The following ADGRF1 variants were observed in gnomAD, a reference collection of about 807,000 sequenced individuals.
The protein encoded by ADGRF1 is adhesion G protein-coupled receptor F1, also known as G protein-coupled receptor 110.
ADGRF1 carries 85 observed loss-of-function variants against 87.2 expected under a neutral mutation model. That is an observed-to-expected ratio of 0.97 (90% CI 0.82 to 1.17). The LOEUF is 1.17. Ranked by LOEUF, ADGRF1 falls within the 50% of genes most tolerant of loss-of-function variation. ADGRF1 has a pLI of 0.00. For synonymous variants in ADGRF1, 430 were observed against 408.8 expected (o/e 1.05, Z -0.63); for missense variants, 1,169 against 1,077.2 (o/e 1.09, Z -1.19).
At chr6:47,011,132 A>T (rs1226477) in intron 10 of ADGRF1, among the ~76,000 whole-genome samples, 17,053 of 151,762 alleles carry the variant, frequency 0.11, 2,320 homozygotes, top group African/African-American at 0.32. Context: ...CTTTGTTTTC[A>T]CTCTTCATTT....
At chr6:47,013,287 A>G (rs1779763658) in intron 9 of ADGRF1, 2 of 985,464 alleles carry the variant, frequency 2.0e-6, no homozygotes, top group Non-Finnish European at 2.4e-6. Context: ...AACTAGTCTC[A>G]ACTATTGCTC....
chr6:47,026,338 G>T (rs1437771230), intron 3 of ADGRF1, among the ~76,000 whole-genome samples: 15 of 152,060 alleles, frequency 9.9e-5, no homozygotes, highest in Admixed American at 8.5e-4. Context: ...GACTGAAGGG[G>T]GAAGAGGTGA....
rs1017101904 is a variant in ADGRF1 at position 47,030,865 on chromosome 6, C to T, written c.-43-1761G>A. ...GCAACCTTCACCTTCCGGGTTCAAG[C>T]GATTCTCCTGCCTCAGCCTCATGAG... On this transcript the variant is annotated intron_variant, in intron 1 of 14. Coordinates refer to ENST00000371253, the MANE Select transcript of ADGRF1 (RefSeq NM_153840.4). Among the ~76,000 whole-genome samples the T allele has an allele frequency of 6.6e-5, 10 of 151,844 alleles. No homozygotes were observed. The South Asian group carries it at 1.0e-3, about 16-fold the overall frequency.
Position 47,027,690 on chromosome 6 carries a change from T to C in ADGRF1, c.127+14A>G. On this transcript the variant is annotated intron_variant, in intron 3 of 14. Transcript: ENST00000371253. ...CCAAAATCCACTGCACCATGCTGTCTAACAGAGCCTCACCTAGATGTTTTT... is the reference window on the plus strand; with the variant it reads ...CCAAAATCCACTGCACCATGCTGTCCAACAGAGCCTCACCTAGATGTTTTT... 7 of 1,593,764 alleles carry C rather than the reference T, an allele frequency of 4.4e-6. No homozygotes were observed. The highest frequency in any genetic ancestry group is 6.0e-6 in the Non-Finnish European group (7 of 1,162,104).
chr6:47,025,603 G>A (rs1166563216), intron 4 of ADGRF1, among the ~76,000 whole-genome samples: 1 of 152,124 alleles, frequency 6.6e-6, no homozygotes, highest in African/African-American at 2.4e-5. Flanking sequence ...ACCCTCCAGT[G>A]TTTCATCTAT....
chr6:47,022,125 A>C (rs982318275), intron 5 of ADGRF1, 67 bp from the exon 6 acceptor site: 5 of 876,844 alleles, frequency 5.7e-6, no homozygotes, highest in African/African-American at 1.8e-5. Context: ...GTAGCATACA[A>C]TTATAGAAGT....
chr6:47,017,629 C>T (rs1166663899), intron 7 of ADGRF1: 1 of 150,510 alleles, frequency 6.6e-6, no homozygotes, highest in East Asian at 1.9e-4. Flanking sequence ...AGGAAGGAAC[C>T]ACTGATAGAA....
In ADGRF1 at chr6:47,010,467, G is replaced by A. The variant is rs1008664106; in HGVS notation, c.1117-149C>T. ...CATTAAAACTCATCAATCAAATTTA[G>A]CTCAGTTCATCTGTACAGTAGAAGC... On this transcript the variant is annotated intron_variant, in intron 10 of 14. Transcript: ENST00000371253. 82 of 730,782 alleles carry A rather than the reference G, an allele frequency of 1.1e-4. 1 individual carries two copies. Among genetic ancestry groups the A allele is most frequent in the South Asian group, 3.1e-4 (16 of 51,162 alleles). 45.3% of individuals were successfully genotyped at this position (730,782 alleles called of 1,614,324 possible). A position where few individuals can be genotyped will look rare whatever the true frequency, so the allele number is the denominator to read the frequency against.
intron 10 of ADGRF1, 41 bp downstream of exon 10, chr6:47,011,966 A>T: frequency 6.4e-7 from 1 of 1,561,124 alleles, no homozygotes; most frequent in South Asian, 1.1e-5. Context: ...CTACAGGATC[A>T]AGCATTTAAA....
Position 47,016,634 on chromosome 6 carries a change from A to G in ADGRF1, c.746T>C (p.Phe249Ser). Residue 249 changes from phenylalanine to serine, a missense_variant, in exon 8 of 15, where the codon TTC becomes TCC. Physicochemically the swap from Phe to Ser is radical, Grantham distance 155. Coordinates refer to ENST00000371253, the MANE Select transcript of ADGRF1 (RefSeq NM_153840.4). ...HKLFPLEDGS[F>S]RVFGKAQCND... ...AGCATTACCTTTTCCGAACACTCTG[A>G]AAGAGCCGTCTTCTAATGGAAACAG... 6.2e-7 allele frequency: 1 copy of G among 1,609,218 alleles called. No individual in the cohort carries two copies. The highest frequency in any genetic ancestry group is 8.5e-7 in the Non-Finnish European group (1 of 1,176,552).
chr6:47,027,541 C>A (rs1780275874), intron 3 of ADGRF1, among the ~76,000 whole-genome samples, 163 bp downstream of exon 3: 1 of 152,196 alleles, frequency 6.6e-6, no homozygotes, highest in Non-Finnish European at 1.5e-5. Flanking sequence ...TTAATCTTCA[C>A]AAACGTCTTG....
intron 14 of ADGRF1, 60 bp downstream of exon 14, chr6:47,001,441 A>G: frequency 1.5e-6 from 2 of 1,336,082 alleles, no homozygotes; most frequent in Non-Finnish European, 2.1e-6. Flanking sequence ...TTTTATTCAT[A>G]TGATATACTC....
intron 7 of ADGRF1, 47 bp from the exon 8 acceptor site, chr6:47,016,815 T>C: frequency 2.6e-6 from 4 of 1,538,076 alleles, no homozygotes; most frequent in Non-Finnish European, 3.5e-6. Flanking sequence ...TACTTATTTA[T>C]TCATTCACTC....
chr6:47,028,097 C>T (rs74790308), intron 2 of ADGRF1, among the ~76,000 whole-genome samples: 2,200 of 152,138 alleles, frequency 0.014, 45 homozygotes, highest in African/African-American at 0.05. Context: ...TTTCCTTGAG[C>T]GAGATGAGAA....
intron 1 of ADGRF1, among the ~76,000 whole-genome samples, chr6:47,035,992 A>G (rs532485278): frequency 6.6e-6 from 1 of 152,212 alleles, no homozygotes; most frequent in South Asian, 2.1e-4. Context: ...GCAATTTGGG[A>G]AGCGGAGGCT....
intron 9 of ADGRF1, chr6:47,013,377 G>A (rs1311098696): frequency 4.1e-6 from 4 of 985,054 alleles, no homozygotes; most frequent in East Asian, 1.1e-4. Context: ...TACAGATGAG[G>A]AAACTGAGAT....
intron 2 of ADGRF1, among the ~76,000 whole-genome samples, chr6:47,027,998 T>C (rs1240203483): frequency 1.3e-5 from 2 of 150,848 alleles, no homozygotes; most frequent in Admixed American, 6.6e-5. Flanking sequence ...GAGAGGAGAG[T>C]GAGAGGAGAG....
rs140960279 is a variant in ADGRF1, at chr6:47,009,395, G to T, written c.2040C>A (p.Ile680=). 1.9e-6 allele frequency: 3 copies of T among 1,614,086 alleles called. No homozygotes were observed. Among genetic ancestry groups the T allele is most frequent in the Non-Finnish European group, 2.5e-6 (3 of 1,179,980 alleles). Reference sequence around the variant, plus strand: ...CGAGGATGATCCGGTAAGCCAGCAGGATGCCAAGCATGAGCATCCAGAAGA... The same window carrying T: ...CGAGGATGATCCGGTAAGCCAGCAGTATGCCAAGCATGAGCATCCAGAAGA... ...SLFFWMLMLG[I]LLAYRIILVF... The change falls in exon 11 of 15, where the codon ATC becomes ATA. Residue 680 remains isoleucine, a synonymous_variant. Coordinates refer to ENST00000371253, the MANE Select transcript of ADGRF1 (RefSeq NM_153840.4).
In ADGRF1 at chr6:47,001,913, A is replaced by G. The variant is rs748343907; in HGVS notation, c.2593-346T>C. The G allele has an allele frequency of 2.6e-4, 57 of 217,430 alleles. 1 individual carries two copies. The highest frequency in any genetic ancestry group is 9.2e-5 in the Non-Finnish European group (10 of 108,138). 13.5% of individuals were successfully genotyped at this position (217,430 alleles called of 1,614,324 possible). On this transcript the variant is annotated intron_variant, in intron 13 of 14. Transcript: ENST00000371253. ...ACTGGAAGAGAAACCCATGGAGGAA[A>G]ATGGAGGAAAAACAGTGCTCTGACT...
Sources: gnomAD v4.1 joint callset for allele counts (sites outside exome capture counted in the v4.1 genomes callset) on GRCh38, gnomAD v4.1.1 for gene constraint, MANE v1.5 for transcripts, NCBI Gene and HGNC (gene_info 2026-07-23, HGNC 2026-07-21) for gene names.